Variants in ZBTB8A observed in about 807,000 individuals in gnomAD.
The protein encoded by ZBTB8A is zinc finger and BTB domain containing 8A.
In ZBTB8A, 19 loss-of-function variants were observed where a neutral mutation model predicts 37.8. The ratio of observed to expected loss-of-function variants is 0.50; its 90% confidence interval spans 0.35 to 0.74. The LOEUF is 0.74. Among genes scored for constraint, ZBTB8A ranks in the 30% least tolerant of loss-of-function variants. The probability of loss-of-function intolerance (pLI) is 0.01; values close to 1 mark genes in which losing one functional copy is unlikely to be tolerated. For missense variants in ZBTB8A, 394 were observed against 537.8 expected (o/e 0.73, Z 2.65); for synonymous variants, 181 against 185.2 (o/e 0.98, Z 0.19).
intron 2 of ZBTB8A, among the ~76,000 whole-genome samples, chr1:32,584,402 T>A (rs553753118): frequency 6.6e-6 from 1 of 151,426 alleles, no homozygotes; most frequent in East Asian, 1.9e-4. Flanking sequence ...CTTAATACAA[T>A]TTAGCACTAA....
intron 2 of ZBTB8A, among the ~76,000 whole-genome samples, chr1:32,557,040 A>G (rs1238262049): frequency 6.6e-6 from 1 of 151,938 alleles, no homozygotes; most frequent in Non-Finnish European, 1.5e-5. Context: ...GGTGGCTCAC[A>G]CCTGTAATCC....
intron 2 of ZBTB8A, among the ~76,000 whole-genome samples, chr1:32,567,976 C>T (rs981743026): frequency 6.6e-6 from 1 of 151,612 alleles, no homozygotes; most frequent in Non-Finnish European, 1.5e-5. Context: ...CCCGTCTCTA[C>T]TAAAAATACA....
chr1:32,549,056 T>C (rs1430519800), intron 1 of ZBTB8A, among the ~76,000 whole-genome samples: 1 of 151,938 alleles, frequency 6.6e-6, no homozygotes. Flanking sequence ...CCGGGTATGG[T>C]GGCCCGCACC....
chr1:32,597,338 AT>A (rs1644541693), intron 4 of ZBTB8A, among the ~76,000 whole-genome samples: 1 of 152,094 alleles, frequency 6.6e-6, no homozygotes, highest in African/African-American at 2.4e-5. Flanking sequence ...AATTTGAGGA[AT>A]TGTATTGGTT....
intron 1 of ZBTB8A, among the ~76,000 whole-genome samples, chr1:32,544,107 T>C (rs1460791560): frequency 1.3e-5 from 2 of 152,250 alleles, no homozygotes; most frequent in African/African-American, 2.4e-5. Flanking sequence ...TAGCTGGGAC[T>C]ACAGGCTCAC....
Position 32,600,310 on chromosome 1 carries a change from AT to A in ZBTB8A, c.1218del (p.Asn406LysfsTer8). On this transcript the variant is annotated frameshift_variant, in exon 5 of 5. Transcript: ENST00000373510. LOFTEE classifies it high-confidence loss of function. ...AGATGGCACTTGAGTGAAGATGAGA[AT>A]AGATCCTATGTGGAGATTGTAGAAG... ...DSRWHLSEDE[N>X]RSYVEIVEDG... 6.2e-7 allele frequency: 1 copy of A among 1,614,160 alleles called. No homozygotes were observed. Among genetic ancestry groups the A allele is most frequent in the Non-Finnish European group, 8.5e-7 (1 of 1,179,992 alleles).
At chr1:32,561,338 C>T (rs528959269) in intron 2 of ZBTB8A, among the ~76,000 whole-genome samples, 7 of 152,202 alleles carry the variant, frequency 4.6e-5, no homozygotes, top group East Asian at 1.9e-4. Flanking sequence ...TACGAAGCAA[C>T]GTACGTTGAT....
chr1:32,544,449 G>A lies in ZBTB8A; in HGVS notation c.-84+4877G>A, dbSNP rs560764181. On this transcript the variant is annotated intron_variant, in intron 1 of 4. Coordinates refer to ENST00000373510, the MANE Select transcript of ZBTB8A (RefSeq NM_001040441.3). Reference sequence around the variant, plus strand: ...ACAGTGGCTCACGCCTGTAATCCCAGCACTTTGGGAGCCCAAGGTGGGTGG... The same window carrying A: ...ACAGTGGCTCACGCCTGTAATCCCAACACTTTGGGAGCCCAAGGTGGGTGG... Among the ~76,000 whole-genome samples the A allele has an allele frequency of 2.4e-4, 36 of 152,356 alleles. 1 individual carries two copies. Among genetic ancestry groups the A allele is most frequent in the African/African-American group, 8.7e-4 (36 of 41,590 alleles).
chr1:32,592,745 G>T (rs1399141539), intron 2 of ZBTB8A, among the ~76,000 whole-genome samples, 186 bp from the exon 3 acceptor site: 2 of 152,004 alleles, frequency 1.3e-5, no homozygotes. Context: ...GACCTCAGGT[G>T]ATCTCCCCCG....
chr1:32,570,488 G>A (rs949394629), intron 2 of ZBTB8A, among the ~76,000 whole-genome samples: 103 of 152,162 alleles, frequency 6.8e-4, no homozygotes, highest in African/African-American at 2.3e-3. Flanking sequence ...CATTAATCCT[G>A]TACGTCCACT....
rs116415233 is a variant in ZBTB8A at position 32,561,959 on chromosome 1, T to A, written c.-2+8419T>A. 9.1e-3 allele frequency among the ~76,000 whole-genome samples: 1,383 copies of A among 152,164 alleles called. 9 individuals are homozygous for A. Among genetic ancestry groups the A allele is most frequent in the Non-Finnish European group, 0.015 (999 of 68,020 alleles). On this transcript the variant is annotated intron_variant, in intron 2 of 4. Coordinates refer to ENST00000373510, the MANE Select transcript of ZBTB8A (RefSeq NM_001040441.3). ...TACATACTTTTTTATTTTTTATTTATTTTTATTTGAGACACAGTCTCAGTT... is the reference window on the plus strand; with the variant it reads ...TACATACTTTTTTATTTTTTATTTAATTTTATTTGAGACACAGTCTCAGTT...
At chr1:32,579,431 A>G (rs1644386851) in intron 2 of ZBTB8A, among the ~76,000 whole-genome samples, 1 of 151,482 alleles carries the variant, frequency 6.6e-6, no homozygotes, top group Admixed American at 6.6e-5. Context: ...AGCCTGGGCA[A>G]CAGAGCAAGA....
chr1:32,588,255 T>G (rs1206051120), intron 2 of ZBTB8A, among the ~76,000 whole-genome samples: 1 of 151,990 alleles, frequency 6.6e-6, no homozygotes, highest in Non-Finnish European at 1.5e-5. Flanking sequence ...GCATCAGAAG[T>G]TGGGGGATGC....
intron 1 of ZBTB8A, among the ~76,000 whole-genome samples, chr1:32,546,288 A>G (rs1263395643): frequency 6.6e-6 from 1 of 152,052 alleles, no homozygotes; most frequent in Non-Finnish European, 1.5e-5. Context: ...TGTTAAAAAT[A>G]TAATAATTAG....
intron 2 of ZBTB8A, among the ~76,000 whole-genome samples, chr1:32,585,860 G>A (rs557410120): frequency 4.6e-5 from 7 of 151,390 alleles, no homozygotes; most frequent in Non-Finnish European, 7.4e-5. Flanking sequence ...AAAATCAGCC[G>A]GGCGTGGTGG....
At position 32,600,462 on chromosome 1, in the gene ZBTB8A, T is replaced by G; in HGVS notation, c.*43T>G. On this transcript the variant is annotated 3_prime_UTR_variant, in exon 5 of 5. Coordinates refer to ENST00000373510, the MANE Select transcript of ZBTB8A (RefSeq NM_001040441.3). ...AGAGCTGGCATGTCTGCAATTTACA[T>G]TGACTTCCTGTATCTCTCTCTTTCT... is the stretch of plus-strand genomic sequence containing the variant. 2 of 1,416,452 alleles carry G rather than the reference T, an allele frequency of 1.4e-6. No homozygotes were observed. Among genetic ancestry groups the G allele is most frequent in the African/African-American group, 2.8e-5 (2 of 70,758 alleles). 87.7% of individuals were successfully genotyped at this position (1,416,452 alleles called of 1,614,324 possible). A position where few individuals can be genotyped will look rare whatever the true frequency, so the allele number is the denominator to read the frequency against.
rs1473092520 is a variant in ZBTB8A, at chr1:32,571,679, A to G, written c.-2+18139A>G. On this transcript the variant is annotated intron_variant, in intron 2 of 4. Coordinates refer to ENST00000373510, the MANE Select transcript of ZBTB8A (RefSeq NM_001040441.3). ...AACCTCTGCCTCCTGGGTTCAAGCAATTCTCCTGCCTCAGCGTCCCAAATA... is the reference window on the plus strand; with the variant it reads ...AACCTCTGCCTCCTGGGTTCAAGCAGTTCTCCTGCCTCAGCGTCCCAAATA... Among the ~76,000 whole-genome samples, 4 of 152,066 alleles carry G rather than the reference A, an allele frequency of 2.6e-5. No individual in the cohort carries two copies. The East Asian group carries it at 7.7e-4, about 29-fold the overall frequency.
intron 1 of ZBTB8A, among the ~76,000 whole-genome samples, chr1:32,552,097 C>T (rs1012546238): frequency 6.6e-6 from 1 of 152,118 alleles, no homozygotes; most frequent in African/African-American, 2.4e-5. Flanking sequence ...GGGACAGTGG[C>T]TCATGCCTAT....
chr1:32,598,274 C>G (rs114019392), intron 4 of ZBTB8A, among the ~76,000 whole-genome samples: 1,313 of 111,410 alleles, frequency 0.012, 23 homozygotes, highest in African/African-American at 0.043. Context: ...ACTGTGTCAT[C>G]TAAGCTGGAG....
Sources: gnomAD v4.1 joint callset for allele counts (sites outside exome capture counted in the v4.1 genomes callset) on GRCh38, gnomAD v4.1.1 for gene constraint, MANE v1.5 for transcripts, NCBI Gene and HGNC (gene_info 2026-07-23, HGNC 2026-07-21) for gene names.